The following ARHGAP21 variants were observed in gnomAD, a reference collection of about 807,000 sequenced individuals.
ARHGAP21 encodes Rho GTPase activating protein 21, also known as rho GTPase-activating protein 21.
A neutral mutation model predicts 164.6 loss-of-function variants in ARHGAP21; 38 were observed. The observed-to-expected ratio is 0.23, with a 90% confidence interval of 0.18 to 0.30. The LOEUF is 0.30. ARHGAP21 is among the 10% of genes least tolerant of loss of function. The pLI, the probability that ARHGAP21 is intolerant of heterozygous loss-of-function variation, is 1.00. For synonymous variants in ARHGAP21, 766 were observed against 857.9 expected (o/e 0.89, Z 1.87); for missense variants, 1,822 against 2,370.7 (o/e 0.77, Z 4.81).
Position 24,584,671 on chromosome 10 carries a change from G to A in ARHGAP21, c.5618C>T (p.Pro1873Leu). ...TCGTGTGCTTGGGTTCTCTGTCTGG[G>A]GATCTCCGATTTCTCCTCTGCTAAG... ...SDLSRGEIGD[P>L]QTENPSTREI... Residue 1873 changes from proline (P) to leucine (L), a missense_variant, in exon 26 of 26, where the codon CCC becomes CTC. This residue lies in a region of ARHGAP21 where 165 missense variants were observed against 176.6 expected (regional missense o/e 0.93). Transcript: ENST00000396432. 2 of 1,613,924 alleles carry A rather than the reference G, an allele frequency of 1.2e-6. No individual in the cohort carries two copies. Among genetic ancestry groups the A allele is most frequent in the South Asian group, 2.2e-5 (2 of 91,070 alleles).
At position 24,597,427 on chromosome 10, in the gene ARHGAP21, T is replaced by G; in HGVS notation, c.3334+20A>C. ...ATTTTAAATCATTATATTTATTTGT[T>G]AGAAAGCTAACATCAATACCTTTAC... On this transcript the variant is annotated intron_variant, in intron 16 of 25. Coordinates refer to ENST00000396432, the MANE Select transcript of ARHGAP21 (RefSeq NM_020824.4). The G allele has an allele frequency of 1.2e-6, 2 of 1,601,932 alleles. No homozygotes were observed. Among genetic ancestry groups the G allele is most frequent in the Non-Finnish European group, 1.7e-6 (2 of 1,176,648 alleles).
At chr10:24,601,637 T>A (rs11014172) in intron 13 of ARHGAP21, among the ~76,000 whole-genome samples, 81,951 of 151,886 alleles carry the variant, frequency 0.54, 22,339 homozygotes, top group African/African-American at 0.59. Flanking sequence ...TTAAAACTGA[T>A]TTGCCACTTC....
At chr10:24,679,237 A>G (rs752983472) in intron 2 of ARHGAP21, among the ~76,000 whole-genome samples, 2 of 152,222 alleles carry the variant, frequency 1.3e-5, no homozygotes, top group Non-Finnish European at 2.9e-5. Context: ...TCATGGTTCT[A>G]GAGGCCCAGG....
chr10:24,647,816 G>A (rs1417872738), intron 4 of ARHGAP21, among the ~76,000 whole-genome samples: 1 of 152,182 alleles, frequency 6.6e-6, no homozygotes. Flanking sequence ...GTCAAAGTAT[G>A]TAAGAAAAGT....
intron 18 of ARHGAP21, 36 bp downstream of exon 18, chr10:24,595,852 A>T: frequency 6.6e-7 from 1 of 1,521,796 alleles, no homozygotes; most frequent in Non-Finnish European, 8.8e-7. Flanking sequence ...CAAAGGGGGA[A>T]AAAAAAGGAT....
chr10:24,694,983 G>T (rs571049073), intron 2 of ARHGAP21, among the ~76,000 whole-genome samples: 27 of 147,936 alleles, frequency 1.8e-4, no homozygotes, highest in Admixed American at 1.7e-3. Context: ...CCTGGGAGGT[G>T]GAGGTTGCAG....
chr10:24,719,297 G>T (rs1845703153), intron 2 of ARHGAP21, among the ~76,000 whole-genome samples: 1 of 152,156 alleles, frequency 6.6e-6, no homozygotes, highest in Non-Finnish European at 1.5e-5. Context: ...TTTGAAGAGG[G>T]CTGTTTATTT....
chr10:24,642,291 G>A (rs569193220), intron 4 of ARHGAP21, among the ~76,000 whole-genome samples: 8 of 151,810 alleles, frequency 5.3e-5, no homozygotes, highest in Admixed American at 2.6e-4. Flanking sequence ...CGAGGCGGGC[G>A]GATCACGAGG....
intron 2 of ARHGAP21, among the ~76,000 whole-genome samples, chr10:24,701,691 T>C (rs1843685942): frequency 6.6e-6 from 1 of 152,128 alleles, no homozygotes; most frequent in Non-Finnish European, 1.5e-5. Flanking sequence ...CTGGAGATAA[T>C]GAAAGAAGGG....
At chr10:24,695,037 C>A (rs2132052830) in intron 2 of ARHGAP21, among the ~76,000 whole-genome samples, 7 of 60,158 alleles carry the variant, frequency 1.2e-4, no homozygotes, top group South Asian at 5.8e-4. Context: ...GGTAACAGAG[C>A]AAAATTCCAT....
At chr10:24,651,498 T>C (rs1418575653) in intron 4 of ARHGAP21, among the ~76,000 whole-genome samples, 2 of 152,246 alleles carry the variant, frequency 1.3e-5, no homozygotes, top group Non-Finnish European at 2.9e-5. Context: ...CATCTTGATG[T>C]CTGCTACTCA....
intron 4 of ARHGAP21, among the ~76,000 whole-genome samples, chr10:24,642,563 T>TTCACAGTA (rs1267784646): frequency 6.6e-6 from 1 of 151,666 alleles, no homozygotes; most frequent in Non-Finnish European, 1.5e-5. Flanking sequence ...TCAACAGTTC[T>TTCACAGTA]TCACAGTATG....
chr10:24,635,902 CAT>C (rs1246755513), intron 4 of ARHGAP21, among the ~76,000 whole-genome samples: 1 of 152,206 alleles, frequency 6.6e-6, no homozygotes, highest in African/African-American at 2.4e-5. Context: ...ATGAACAAGA[CAT>C]ATTCCTTTCC....
chr10:24,677,049 G>A (rs939486398), intron 2 of ARHGAP21, among the ~76,000 whole-genome samples: 9 of 151,876 alleles, frequency 5.9e-5, no homozygotes, highest in East Asian at 1.9e-4. Context: ...GTGAAGCCCC[G>A]TCTCTACTAA....
chr10:24,700,111 A>G (rs926156512), intron 2 of ARHGAP21, among the ~76,000 whole-genome samples: 3 of 152,196 alleles, frequency 2.0e-5, no homozygotes, highest in Non-Finnish European at 2.9e-5. Flanking sequence ...ACAATGGTTA[A>G]TAGGCCTCTG....
intron 9 of ARHGAP21, among the ~76,000 whole-genome samples, chr10:24,618,172 C>A (rs1410664281): frequency 6.6e-6 from 1 of 152,184 alleles, no homozygotes; most frequent in Admixed American, 6.5e-5. Context: ...TGTTTTAGAG[C>A]TGCACAGTCA....
chr10:24,590,387 A>G, intron 24 of ARHGAP21: 1 of 1,535,426 alleles, frequency 6.5e-7, no homozygotes, highest in Non-Finnish European at 8.7e-7. Flanking sequence ...TGTGGACAAC[A>G]GTCCTCCTTC....
At chr10:24,719,098 T>TACACGC (rs66546616) in intron 2 of ARHGAP21, among the ~76,000 whole-genome samples, 1 of 147,506 alleles carries the variant, frequency 6.8e-6, no homozygotes, top group African/African-American at 2.5e-5. Context: ...CTTCACGGAC[T>TACACGC]ACACACACAC....
At chr10:24,662,940 G>A (rs1470635123) in intron 4 of ARHGAP21, among the ~76,000 whole-genome samples, 1 of 149,968 alleles carries the variant, frequency 6.7e-6, no homozygotes, top group African/African-American at 2.5e-5. Context: ...TTGAACAATG[G>A]GTTTGAACTC....
Sources: gnomAD v4.1 joint callset for allele counts (sites outside exome capture counted in the v4.1 genomes callset) on GRCh38, gnomAD v4.1.1 for gene constraint, gnomAD v4.1.1 regional missense constraint, MANE v1.5 for transcripts, NCBI Gene and HGNC (gene_info 2026-07-23, HGNC 2026-07-21) for gene names.